The following TCEA1 variants were observed in gnomAD, a reference collection of about 807,000 sequenced individuals.
TCEA1 encodes transcription elongation factor A protein 1.
TCEA1 carries 21 observed loss-of-function variants against 43.8 expected under a neutral mutation model. The ratio of observed to expected loss-of-function variants is 0.48; its 90% CI spans 0.34 to 0.69. The LOEUF (loss-of-function observed/expected upper bound fraction) is 0.69. Ranked by LOEUF, TCEA1 falls within the 30% of genes least tolerant of loss-of-function variation. TCEA1 has a pLI of 0.01. For synonymous variants in TCEA1, 104 were observed against 117.5 expected (o/e 0.88, Z 0.75); for missense variants, 250 against 365.1 (o/e 0.68, Z 2.57).
chr8:54,013,655 T>C (rs569552749), intron 1 of TCEA1, among the ~76,000 whole-genome samples: 5 of 117,664 alleles, frequency 4.2e-5, no homozygotes, highest in African/African-American at 1.7e-4. Context: ...CACTCCAACC[T>C]GGACGATAGA....
At chr8:54,012,186 C>T (rs981415478) in intron 1 of TCEA1, among the ~76,000 whole-genome samples, 1 of 152,214 alleles carries the variant, frequency 6.6e-6, no homozygotes, top group South Asian at 2.1e-4. Flanking sequence ...TAGGTAAACT[C>T]ATTTGGCAGC....
At chr8:53,999,246 A>G (rs1314594352) in intron 3 of TCEA1, among the ~76,000 whole-genome samples, 2 of 144,906 alleles carry the variant, frequency 1.4e-5, no homozygotes, top group Non-Finnish European at 3.0e-5. Context: ...AAAAAAAAAA[A>G]GAAAGAAAAC....
In TCEA1 at chr8:54,014,185, G is replaced by A. The variant is rs143170456; in HGVS notation, c.64-3693C>T. Among the ~76,000 whole-genome samples the A allele has an allele frequency of 6.6e-5, 10 of 152,292 alleles. No homozygotes were observed. In the East Asian group the frequency reaches 1.2e-3, roughly 18 times the overall value. ...CGGGTAGTAAGGTCATGAACTAGTC[G>A]CCTGACCCTTATACTGCTGCCCTTT... is the stretch of plus-strand genomic sequence containing the variant. On this transcript the variant is annotated intron_variant, in intron 1 of 9. Transcript: ENST00000521604.
At chr8:54,012,327 C>T (rs112536790) in intron 1 of TCEA1, among the ~76,000 whole-genome samples, 19,811 of 152,108 alleles carry the variant, frequency 0.13, 3,404 homozygotes, top group African/African-American at 0.4. Context: ...TTTGGGAGGC[C>T]GAGGTGGATG....
chr8:53,976,785 TTCAAAC>T (rs1280200052), intron 8 of TCEA1, among the ~76,000 whole-genome samples: 1 of 152,188 alleles, frequency 6.6e-6, no homozygotes, highest in Non-Finnish European at 1.5e-5. Context: ...AATAGAGCAA[TTCAAAC>T]TCAGAATTTT....
At chr8:53,993,837 A>T (rs1803962700) in intron 3 of TCEA1, 82 bp from the exon 4 acceptor site, 1 of 1,060,516 alleles carries the variant, frequency 9.4e-7, no homozygotes, top group Non-Finnish European at 1.4e-6. Flanking sequence ...CTATTTGCAC[A>T]ACATGAACTA....
intron 4 of TCEA1, 56 bp from the exon 5 acceptor site, chr8:53,988,315 C>T (rs1672102884): frequency 1.9e-6 from 3 of 1,576,118 alleles, no homozygotes; most frequent in South Asian, 1.2e-5. Context: ...TTCAAAGTAA[C>T]AATACTACTA....
intron 9 of TCEA1, among the ~76,000 whole-genome samples, chr8:53,969,117 C>T (rs969062684): frequency 7.2e-5 from 11 of 152,094 alleles, no homozygotes; most frequent in African/African-American, 2.7e-4. Context: ...TGGTGAAACG[C>T]CATCTCTACT....
chr8:54,010,154 T>C, intron 2 of TCEA1: 1 of 336,856 alleles, frequency 3.0e-6, no homozygotes, highest in Non-Finnish European at 5.3e-6. Context: ...GGAGACCAAA[T>C]CAGGGCCAAG....
intron 1 of TCEA1, among the ~76,000 whole-genome samples, chr8:54,016,978 CAAAAAAAAA>C (rs1159105172): frequency 1.5e-5 from 1 of 67,408 alleles, no homozygotes; most frequent in South Asian, 5.2e-4. Flanking sequence ...GACTCCGTCT[CAAAAAAAAA>C]AAAAAAAAAA....
At position 53,970,419 on chromosome 8, in the gene TCEA1, G is replaced by C. The variant is rs753964959; in HGVS notation, c.870C>G (p.Val290=). Residue 290 remains valine (V), a synonymous_variant, in exon 9 of 10, where the codon GTC becomes GTG. Transcript: ENST00000521604. ...TCCATCGATTTCCACATTCATTACA[G>C]ACAACAAATGTTGTCATTGGTTCAT... is the stretch of plus-strand genomic sequence containing the variant. ...SADEPMTTFV[V]CNECGNRWKF... 4.3e-6 allele frequency: 7 copies of C among 1,610,802 alleles called. No individual in the cohort carries two copies. The highest frequency in any genetic ancestry group is 5.1e-6 in the Non-Finnish European group (6 of 1,177,836).
In TCEA1 at chr8:53,967,276, G is replaced by A. The variant is rs1247299392; in HGVS notation, c.*828C>T. The A allele has an allele frequency of 2.0e-5, 4 of 202,380 alleles. No individual in the cohort carries two copies. Among genetic ancestry groups the A allele is most frequent in the Non-Finnish European group, 4.1e-5 (4 of 98,338 alleles). 12.5% of individuals were successfully genotyped at this position (202,380 alleles called of 1,614,324 possible). On this transcript the variant is annotated 3_prime_UTR_variant, in exon 10 of 10. Transcript: ENST00000521604. ...TAAGATGCTAAACATTTTCTTTCCA[G>A]TATGTCTTCCTAAGAGGGGAAAAAA...
In TCEA1 at chr8:54,022,189, GAA is replaced by G; in HGVS notation, c.-66_-65del. 9 of 1,543,412 alleles carry G rather than the reference GAA, an allele frequency of 5.8e-6. No individual in the cohort carries two copies. Among genetic ancestry groups the G allele is most frequent in the Non-Finnish European group, 8.0e-6 (9 of 1,123,562 alleles). ...AGGGGAAGTGGGCGAAGCTGGAGCG[GAA>G]GACACAGCAGGAGCGACCCCCGGCG... On this transcript the variant is annotated 5_prime_UTR_variant, in exon 1 of 10. Coordinates refer to ENST00000521604, the MANE Select transcript of TCEA1 (RefSeq NM_006756.4).
chr8:53,972,205 A>G, intron 8 of TCEA1: 1 of 327,238 alleles, frequency 3.1e-6, no homozygotes, highest in South Asian at 2.7e-5. Flanking sequence ...GAAGATTTAG[A>G]AAGTGTTAGT....
intron 9 of TCEA1, among the ~76,000 whole-genome samples, chr8:53,969,367 A>G (rs982565664): frequency 3.3e-5 from 5 of 152,136 alleles, no homozygotes; most frequent in Non-Finnish European, 7.3e-5. Flanking sequence ...AGCCAAATGG[A>G]TATCTTCGAC....
In TCEA1 at chr8:53,966,772, A is replaced by G. The variant is rs916787981; in HGVS notation, c.*1332T>C. 4.9e-6 allele frequency: 1 copy of G among 202,116 alleles called. No homozygotes were observed. The highest frequency in any genetic ancestry group is 1.0e-5 in the Non-Finnish European group (1 of 98,568). 12.5% of individuals were successfully genotyped at this position (202,116 alleles called of 1,614,324 possible). On this transcript the variant is annotated 3_prime_UTR_variant, in exon 10 of 10. Transcript: ENST00000521604. ...TTAAAAATGCTGCTTTCTGTATTACAACAAAATGATATGCAATAAGAAATT... is the reference window on the plus strand; with the variant it reads ...TTAAAAATGCTGCTTTCTGTATTACGACAAAATGATATGCAATAAGAAATT...
rs1301271821 is a variant in TCEA1 at position 53,988,237 on chromosome 8, T to G, written c.343A>C (p.Asn115His). ...EESTSSGNVS[N>H]RKDETNARDT... is the part of the protein sequence containing the mutation. ...CGAGCATTTGTCTCATCCTTTCTGT[T>G]GCTTACATTGCCGCTGGAAGTACTG... Residue 115 changes from asparagine to histidine, a missense_variant, in exon 5 of 10, where the codon AAC becomes CAC. Around this residue, in one of 4 missense-constraint regions of TCEA1, gnomAD observed 147 missense variants for 160.3 expected, o/e 0.92. Coordinates refer to ENST00000521604, the MANE Select transcript of TCEA1 (RefSeq NM_006756.4). The G allele has an allele frequency of 6.2e-7, 1 of 1,613,554 alleles. No homozygotes were observed. The highest frequency in any genetic ancestry group is 2.2e-5 in the East Asian group (1 of 44,888).
intron 4 of TCEA1, among the ~76,000 whole-genome samples, chr8:53,991,303 G>C (rs938429699): frequency 1.3e-5 from 2 of 152,004 alleles, no homozygotes; most frequent in Non-Finnish European, 2.9e-5. Context: ...TGAGACAGGA[G>C]AATCGCTTGA....
At position 53,989,300 on chromosome 8, in the gene TCEA1, G is replaced by A. The variant is rs139092328; in HGVS notation, c.321-1041C>T. On this transcript the variant is annotated intron_variant, in intron 4 of 9. Transcript: ENST00000521604. ...TCTTACGTTGGATTATCACTAAAAT[G>A]GGTTCTTTCCAAAATAATCTTCATG... Among the ~76,000 whole-genome samples the A allele has an allele frequency of 1.6e-3, 242 of 152,198 alleles. 1 individual carries two copies. The highest frequency in any genetic ancestry group is 6.8e-3 in the Middle Eastern group (2 of 294).
Sources: gnomAD v4.1 joint callset for allele counts (sites outside exome capture counted in the v4.1 genomes callset) on GRCh38, gnomAD v4.1.1 for gene constraint, gnomAD v4.1.1 regional missense constraint, MANE v1.5 for transcripts, NCBI Gene and HGNC (gene_info 2026-07-23, HGNC 2026-07-21) for gene names.